CSGALNACT1: variants seen among roughly 807,000 people sequenced by gnomAD.
The protein encoded by CSGALNACT1 is beta4GalNAcT-1.
In CSGALNACT1, 52 loss-of-function variants were observed where a neutral mutation model predicts 51.0. The ratio of observed to expected loss-of-function variants is 1.02; its 90% confidence interval spans 0.82 to 1.29. The LOEUF is 1.29. Among genes scored for constraint, CSGALNACT1 ranks in the 50% most tolerant of loss-of-function variants. The pLI is 0.00. For synonymous variants in CSGALNACT1, 341 were observed against 254.4 expected (o/e 1.34, Z -3.24); for missense variants, 935 against 679.2 (o/e 1.38, Z -4.19).
intron 1 of CSGALNACT1, among the ~76,000 whole-genome samples, chr8:19,609,573 G>T (rs1219767130): frequency 6.7e-6 from 1 of 148,180 alleles, no homozygotes; most frequent in Non-Finnish European, 1.5e-5. Context: ...CCAAGGAAAA[G>T]AAACCCAACA....
chr8:19,686,078 T>C (rs1277267006), upstream of CSGALNACT1, among the ~76,000 whole-genome samples: 2 of 152,120 alleles, frequency 1.3e-5, no homozygotes, highest in African/African-American at 2.4e-5. Context: ...CACAGCACAG[T>C]CAAGGGCACA....
chr8:19,704,190 C>T (rs2062033041), intron 1 of CSGALNACT1, among the ~76,000 whole-genome samples: 1 of 152,136 alleles, frequency 6.6e-6, no homozygotes, highest in Admixed American at 6.5e-5. Flanking sequence ...CCCCCAGTCC[C>T]TGGAAAAACA....
intron 1 of CSGALNACT1, among the ~76,000 whole-genome samples, chr8:19,618,118 G>T (rs1355020489): frequency 1.3e-5 from 2 of 151,764 alleles, no homozygotes; most frequent in African/African-American, 4.8e-5. Flanking sequence ...GCCTCAAGTG[G>T]TCCTTCTGCC....
At chr8:19,551,418 A>T (rs1351766550) in intron 3 of CSGALNACT1, among the ~76,000 whole-genome samples, 4 of 152,212 alleles carry the variant, frequency 2.6e-5, no homozygotes, top group African/African-American at 9.6e-5. Context: ...ATCTCTGTGC[A>T]GACCCGAAAC....
chr8:19,526,241 T>A (rs571577571), intron 3 of CSGALNACT1, among the ~76,000 whole-genome samples: 3 of 152,190 alleles, frequency 2.0e-5, no homozygotes, highest in South Asian at 4.2e-4. Flanking sequence ...TGCATTTCCT[T>A]AACTAGAGGG....
chr8:19,712,716 C>T (rs2062583013), intron 1 of CSGALNACT1, among the ~76,000 whole-genome samples: 1 of 152,184 alleles, frequency 6.6e-6, no homozygotes, highest in Non-Finnish European at 1.5e-5. Context: ...CACCAGAACA[C>T]AACAGAACCA....
chr8:19,633,070 C>A (rs1192071120), intron 1 of CSGALNACT1, among the ~76,000 whole-genome samples: 1 of 151,886 alleles, frequency 6.6e-6, no homozygotes. Context: ...AGCCACCGTG[C>A]CCAGCTGAGG....
intron 1 of CSGALNACT1, among the ~76,000 whole-genome samples, chr8:19,678,341 T>C (rs1006858766): frequency 2.0e-5 from 3 of 152,130 alleles, no homozygotes; most frequent in Non-Finnish European, 2.9e-5. Context: ...AGTTTTCGGA[T>C]TGGGACTCCA....
chr8:19,515,588 A>G (rs2079364976), intron 3 of CSGALNACT1, among the ~76,000 whole-genome samples: 2 of 152,350 alleles, frequency 1.3e-5, no homozygotes, highest in South Asian at 4.1e-4. Flanking sequence ...ATTCTGATTC[A>G]ATTTCCCTGC....
chr8:19,539,642 G>A (rs2084616521), intron 3 of CSGALNACT1, among the ~76,000 whole-genome samples: 1 of 152,198 alleles, frequency 6.6e-6, no homozygotes, highest in Non-Finnish European at 1.5e-5. Context: ...GGAGGTGGCA[G>A]TCCTACTAAA....
chr8:19,648,758 T>C (rs1349930990), intron 1 of CSGALNACT1, among the ~76,000 whole-genome samples: 1 of 152,168 alleles, frequency 6.6e-6, no homozygotes, highest in Non-Finnish European at 1.5e-5. Context: ...TGAGCCATGG[T>C]GGCGCCAACT....
At chr8:19,566,574 AG>A (rs1188940075) in intron 3 of CSGALNACT1, among the ~76,000 whole-genome samples, 2 of 152,204 alleles carry the variant, frequency 1.3e-5, no homozygotes, top group African/African-American at 4.8e-5. Flanking sequence ...TTACCAAAAA[AG>A]ATGTTTCCGT....
rs528316974 is a variant in CSGALNACT1 at position 19,559,875 on chromosome 8, G to T, written c.-297+31285C>A. 5.3e-5 allele frequency among the ~76,000 whole-genome samples: 8 copies of T among 152,292 alleles called. No homozygotes were observed. In the South Asian group the frequency reaches 1.7e-3, roughly 32 times the overall value. On this transcript the variant is annotated intron_variant, in intron 3 of 9. Coordinates refer to ENST00000454498, the Ensembl canonical transcript of CSGALNACT1. ...TAAAAACCCCAAGACTTTATGTGAG[G>T]TGGTGTGGAACTTGACTAAGTTGAT... is the stretch of plus-strand genomic sequence containing the variant.
chr8:19,683,355 A>T (rs1308978765), upstream of CSGALNACT1: 1 of 152,200 alleles, frequency 6.6e-6, no homozygotes, highest in African/African-American at 2.4e-5. Context: ...GATCTTGGTC[A>T]TGAGAAACCA....
intron 6 of CSGALNACT1, among the ~76,000 whole-genome samples, chr8:19,433,231 C>T (rs1258523571): frequency 2.6e-5 from 4 of 152,156 alleles, no homozygotes; most frequent in Non-Finnish European, 4.4e-5. Context: ...CTGAGGGATT[C>T]TGTTTGCATA....
rs866092414 is a variant in CSGALNACT1 at position 19,649,605 on chromosome 8, G to A, written c.-544+32868C>T. Among the ~76,000 whole-genome samples the A allele has an allele frequency of 3.3e-5, 5 of 151,824 alleles. No homozygotes were observed. The South Asian group carries it at 1.0e-3, about 32-fold the overall frequency. ...GGAAAAGACAACTTAATTCTATACA[G>A]AATTCACAGTTACGAATACATGCAA... is the stretch of plus-strand genomic sequence containing the variant. On this transcript the variant is annotated intron_variant, in intron 1 of 9. Coordinates refer to the CSGALNACT1 transcript ENST00000332246.
chr8:19,498,104 C>T (rs900718647), intron 4 of CSGALNACT1, among the ~76,000 whole-genome samples: 2 of 152,148 alleles, frequency 1.3e-5, no homozygotes, highest in Admixed American at 6.5e-5. Flanking sequence ...CACGTATCCA[C>T]GACCGTGACA....
At chr8:19,755,245 CT>C (rs1398917117) in intron 1 of CSGALNACT1, among the ~76,000 whole-genome samples, 3 of 151,878 alleles carry the variant, frequency 2.0e-5, no homozygotes, top group Non-Finnish European at 4.4e-5. Context: ...AGGATGGATT[CT>C]TAGGAAGATA....
rs184784890 is a variant in CSGALNACT1, at chr8:19,418,236, G to A, written c.1227+420C>T. On this transcript the variant is annotated intron_variant, in intron 8 of 9. Transcript: ENST00000454498. ...AAATTCACAAAGACCTTATTTGCCT[G>A]CAAGGTCCAGGGAATTGCTCTGGCC... Among the ~76,000 whole-genome samples, 419 of 152,290 alleles carry A rather than the reference G, an allele frequency of 2.8e-3. 1 individual carries two copies. The highest frequency in any genetic ancestry group is 8.7e-3 in the African/African-American group (363 of 41,552).
Sources: gnomAD v4.1 joint callset for allele counts (sites outside exome capture counted in the v4.1 genomes callset) on GRCh38, gnomAD v4.1.1 for gene constraint, MANE v1.5 for transcripts, NCBI Gene and HGNC (gene_info 2026-07-23, HGNC 2026-07-21) for gene names.